POLK: variants seen among roughly 807,000 people sequenced by gnomAD.
POLK encodes polymerase (DNA directed) kappa.
In POLK, 76 loss-of-function variants were observed where a neutral mutation model predicts 94.0. The ratio of observed to expected loss-of-function variants is 0.81; its 90% CI spans 0.67 to 0.98. The LOEUF is 0.98. Among genes scored for constraint, POLK ranks in the 50% least tolerant of loss-of-function variants. The pLI is 0.00. For synonymous variants in POLK, 349 were observed against 325.4 expected (o/e 1.07, Z -0.78); for missense variants, 954 against 1,010.1 (o/e 0.94, Z 0.75).
At chr5:75,548,419 A>G (rs1400187972) in intron 2 of POLK, among the ~76,000 whole-genome samples, 1 of 151,216 alleles carries the variant, frequency 6.6e-6, no homozygotes, top group Admixed American at 6.6e-5. Context: ...AAGGTTATAA[A>G]AGAATTCTTT....
chr5:75,543,254 G>A (rs1769845270), intron 1 of POLK, among the ~76,000 whole-genome samples: 1 of 149,698 alleles, frequency 6.7e-6, no homozygotes, highest in Admixed American at 6.7e-5. Context: ...TGGCCAGGTT[G>A]GTCTCAAACT....
intron 10 of POLK, among the ~76,000 whole-genome samples, chr5:75,589,757 G>T (rs929283945): frequency 6.6e-6 from 1 of 152,036 alleles, no homozygotes; most frequent in African/African-American, 2.4e-5. Flanking sequence ...TCATCATTCT[G>T]GTCTCTTTGT....
At chr5:75,548,519 T>A (rs531947698) in intron 2 of POLK, among the ~76,000 whole-genome samples, 168 of 149,636 alleles carry the variant, frequency 1.1e-3, no homozygotes, top group African/African-American at 3.8e-3. Context: ...TCAATATTAA[T>A]ATACATTATA....
chr5:75,596,487 A>G lies in POLK; in HGVS notation c.1794A>G (p.Pro598=), dbSNP rs149747637. 4 of 1,613,958 alleles carry G rather than the reference A, an allele frequency of 2.5e-6. No individual in the cohort carries two copies. In the African/African-American group the frequency reaches 5.3e-5, roughly 22 times the overall value. The change falls in exon 13 of 15, where the codon CCA becomes CCG. Residue 598 remains proline (P), a synonymous_variant. Coordinates refer to ENST00000241436, the Ensembl canonical transcript of POLK. ...AACAAAGTTTCCAGACATCACAACC[A>G]TTCCAAGTTTTAAAGAAGAAGATGA...
At chr5:75,597,772 T>C (rs764419171) in exon 14 of POLK, 1 of 1,528,400 alleles carries the variant, frequency 6.5e-7, no homozygotes, top group Non-Finnish European at 8.8e-7. Context: ...TACAGAAGGC[T>C]GTAACAAGAA....
At chr5:75,595,697 G>A (rs1416539154) in intron 12 of POLK, among the ~76,000 whole-genome samples, 1 of 152,164 alleles carries the variant, frequency 6.6e-6, no homozygotes, top group African/African-American at 2.4e-5. Context: ...TATTCCAAGG[G>A]TGAACCCTAT....
intron 3 of POLK, chr5:75,568,679 T>G (rs2112755332): frequency 2.3e-6 from 1 of 442,108 alleles, no homozygotes; most frequent in Non-Finnish European, 4.5e-6. Flanking sequence ...TTGTATAGAT[T>G]AACATCAAAT....
At chr5:75,546,947 A>G (rs944270144) in intron 1 of POLK, 63 bp from the exon 2 acceptor site, 59 of 816,428 alleles carry the variant, frequency 7.2e-5, no homozygotes, top group Non-Finnish European at 1.0e-4. Context: ...GATTACGGGC[A>G]TGAGCCACCA....
intron 3 of POLK, among the ~76,000 whole-genome samples, chr5:75,562,635 T>A (rs1771048540): frequency 6.6e-6 from 1 of 152,212 alleles, no homozygotes; most frequent in Admixed American, 6.5e-5. Flanking sequence ...AGTATGATAT[T>A]GGCTGTGGGT....
rs776548563 is a variant in POLK at position 75,596,746 on chromosome 5, G to A, written c.2053G>A (p.Asp685Asn). ...TGCTTCTTCACTTTGTGAGAAGCAA[G>A]ATTATGAAGCCCATCCAAAAATTAA... is the stretch of plus-strand genomic sequence containing the variant. The change falls in exon 13 of 15, where the codon GAT becomes AAT. Residue 685 changes from aspartate to asparagine, a missense_variant. Asp to Asn is a conservative substitution (Grantham distance 23). Transcript: ENST00000241436. 12 of 1,613,022 alleles carry A rather than the reference G, an allele frequency of 7.4e-6. No individual in the cohort carries two copies. In the African/African-American group the frequency reaches 1.6e-4, roughly 22 times the overall value.
chr5:75,553,739 T>C (rs1445018755), intron 3 of POLK, among the ~76,000 whole-genome samples: 2 of 152,234 alleles, frequency 1.3e-5, no homozygotes, highest in Non-Finnish European at 2.9e-5. Flanking sequence ...CATGAAAGTA[T>C]TGATTTTCTC....
At chr5:75,565,188 G>GC (rs1771204884) in intron 3 of POLK, among the ~76,000 whole-genome samples, 1 of 152,022 alleles carries the variant, frequency 6.6e-6, no homozygotes, top group African/African-American at 2.4e-5. Context: ...TGATACTTGT[G>GC]TATGCTTCCC....
downstream of POLK, among the ~76,000 whole-genome samples, chr5:75,602,377 A>G (rs1282696624): frequency 1.3e-5 from 2 of 152,212 alleles, no homozygotes; most frequent in African/African-American, 2.4e-5. Flanking sequence ...GGCCTCAGGC[A>G]TACTAGAACA....
chr5:75,559,513 G>GTTTTTTT (rs1561371280), intron 3 of POLK, among the ~76,000 whole-genome samples: 1 of 68,438 alleles, frequency 1.5e-5, no homozygotes, highest in African/African-American at 5.5e-5. Context: ...TTGTTTTTTT[G>GTTTTTTT]TTTTGTTTTG....
intron 1 of POLK, among the ~76,000 whole-genome samples, chr5:75,532,361 T>C (rs536945073): frequency 4.6e-5 from 7 of 152,226 alleles, no homozygotes; most frequent in Non-Finnish European, 8.8e-5. Context: ...GTTAGTTTGC[T>C]TAGTATGATG....
chr5:75,521,292 A>AT (rs1051118977), intron 1 of POLK, among the ~76,000 whole-genome samples: 2 of 150,602 alleles, frequency 1.3e-5, no homozygotes, highest in Non-Finnish European at 3.0e-5. Flanking sequence ...CCTTTTTATT[A>AT]TTTTTTTTCC....
exon 13 of POLK, chr5:75,596,405 A>G: frequency 6.2e-7 from 1 of 1,614,022 alleles, no homozygotes; most frequent in Non-Finnish European, 8.5e-7. Flanking sequence ...TTTGATAAAA[A>G]ACGATCAGAA....
At chr5:75,591,827 G>T (rs945966053) in intron 11 of POLK, among the ~76,000 whole-genome samples, 1 of 152,146 alleles carries the variant, frequency 6.6e-6, no homozygotes. Flanking sequence ...TTAGATCAGG[G>T]TTATGGATTT....
chr5:75,571,604 A>G (rs1366303285), intron 4 of POLK, among the ~76,000 whole-genome samples: 1 of 152,220 alleles, frequency 6.6e-6, no homozygotes, highest in African/African-American at 2.4e-5. Context: ...TTCCAGCTTC[A>G]GAACTTTCTC....
Sources: gnomAD v4.1 joint callset for allele counts (sites outside exome capture counted in the v4.1 genomes callset) on GRCh38, gnomAD v4.1.1 for gene constraint, MANE v1.5 for transcripts, NCBI Gene and HGNC (gene_info 2026-07-23, HGNC 2026-07-21) for gene names.